CCSER2: variants seen among roughly 807,000 people sequenced by gnomAD.
CCSER2 encodes the protein coiled-coil serine rich protein 2.
In CCSER2, 46 loss-of-function variants were observed where a neutral mutation model predicts 92.3. That is an observed-to-expected ratio of 0.50 (90% CI 0.39 to 0.64). The LOEUF is 0.64. CCSER2 is among the 30% of genes least tolerant of loss of function. CCSER2 has a pLI of 0.00. For synonymous variants in CCSER2, 433 were observed against 431.4 expected (o/e 1.00, Z -0.04); for missense variants, 1,244 against 1,238.9 (o/e 1.00, Z -0.06).
intron 6 of CCSER2, among the ~76,000 whole-genome samples, chr10:84,444,078 C>A (rs900650491): frequency 5.3e-5 from 8 of 151,870 alleles, no homozygotes; most frequent in African/African-American, 1.9e-4. Context: ...CGCTATGGCA[C>A]ATGTATACCA....
intron 6 of CCSER2, chr10:84,452,370 C>G (rs1455574952): frequency 6.6e-6 from 1 of 152,102 alleles, no homozygotes; most frequent in Non-Finnish European, 1.5e-5. Context: ...AGTATTAGAA[C>G]AAAAGTTTGC....
At chr10:84,463,664 G>A (rs1846229686) in intron 6 of CCSER2, among the ~76,000 whole-genome samples, 1 of 152,056 alleles carries the variant, frequency 6.6e-6, no homozygotes, top group African/African-American at 2.4e-5. Context: ...ATGCTTAATG[G>A]TTCTGTATTT....
chr10:84,404,119 A>T (rs1431459047), intron 3 of CCSER2, among the ~76,000 whole-genome samples: 2 of 152,218 alleles, frequency 1.3e-5, no homozygotes, highest in Non-Finnish European at 2.9e-5. Flanking sequence ...CTGTAGCCAG[A>T]TGCCAAAGGG....
At chr10:84,394,327 TA>T (rs1197731237) in intron 3 of CCSER2, among the ~76,000 whole-genome samples, 26 of 151,792 alleles carry the variant, frequency 1.7e-4, no homozygotes, top group African/African-American at 6.1e-4. Flanking sequence ...CACATGATCG[TA>T]GTATGAATTT....
intron 3 of CCSER2, among the ~76,000 whole-genome samples, chr10:84,413,991 A>G (rs970275804): frequency 2.6e-5 from 4 of 151,594 alleles, no homozygotes; most frequent in African/African-American, 7.3e-5. Flanking sequence ...TATGTTTTCC[A>G]TTTGCTTGGT....
At chr10:84,485,989 C>T (rs759573356) in intron 9 of CCSER2, among the ~76,000 whole-genome samples, 78 of 152,162 alleles carry the variant, frequency 5.1e-4, no homozygotes, top group Non-Finnish European at 7.6e-4. Context: ...TGAGAACATG[C>T]GGTGTTTGTT....
chr10:84,427,115 G>A (rs1219847730), intron 5 of CCSER2, among the ~76,000 whole-genome samples: 2 of 152,100 alleles, frequency 1.3e-5, no homozygotes, highest in Non-Finnish European at 2.9e-5. Context: ...GTATTTTAAG[G>A]GACTATGGTG....
chr10:84,507,738 G>A (rs1849140648), intron 9 of CCSER2, among the ~76,000 whole-genome samples: 1 of 152,174 alleles, frequency 6.6e-6, no homozygotes, highest in South Asian at 2.1e-4. Context: ...GATCTTTGAA[G>A]TGTCGTAAAA....
chr10:84,378,226 G>GT (rs1846444255), intron 3 of CCSER2, among the ~76,000 whole-genome samples: 1 of 151,780 alleles, frequency 6.6e-6, no homozygotes, highest in African/African-American at 2.4e-5. Context: ...TGAATATTAA[G>GT]TTTTACCAAA....
At chr10:84,428,936 G>A (rs1843594033) in intron 5 of CCSER2, among the ~76,000 whole-genome samples, 1 of 148,892 alleles carries the variant, frequency 6.7e-6, no homozygotes, top group African/African-American at 2.5e-5. Flanking sequence ...TATGTTGTGT[G>A]ATTCAGTTTG....
intron 1 of CCSER2, among the ~76,000 whole-genome samples, chr10:84,357,144 G>A (rs1359899333): frequency 1.3e-5 from 2 of 152,172 alleles, no homozygotes; most frequent in Non-Finnish European, 2.9e-5. Context: ...AGAAATGAGA[G>A]CCCACATCTG....
At chr10:84,343,990 A>G (rs1589397635) in intron 1 of CCSER2, among the ~76,000 whole-genome samples, 1 of 152,240 alleles carries the variant, frequency 6.6e-6, no homozygotes, top group Admixed American at 6.5e-5. Flanking sequence ...GAAGCTCCTG[A>G]TATCAATGTG....
At chr10:84,483,413 T>G (rs1847573819) in intron 9 of CCSER2, among the ~76,000 whole-genome samples, 1 of 150,660 alleles carries the variant, frequency 6.6e-6, no homozygotes, top group Non-Finnish European at 1.5e-5. Context: ...AAAAAAAGAC[T>G]TAGGTTTTTG....
intron 3 of CCSER2, among the ~76,000 whole-genome samples, chr10:84,381,571 C>T (rs972681842): frequency 2.0e-4 from 31 of 152,168 alleles, no homozygotes; most frequent in African/African-American, 7.5e-4. Context: ...TTGATACATG[C>T]GAGGCAGAGG....
intron 7 of CCSER2, among the ~76,000 whole-genome samples, chr10:84,468,968 A>G (rs1846619378): frequency 6.6e-6 from 1 of 152,172 alleles, no homozygotes; most frequent in South Asian, 2.1e-4. Flanking sequence ...ATAAAACAAT[A>G]CTTTATTCAA....
chr10:84,427,076 CAT>C (rs548913310), intron 5 of CCSER2, among the ~76,000 whole-genome samples: 172 of 152,310 alleles, frequency 1.1e-3, no homozygotes, highest in African/African-American at 3.6e-3. Flanking sequence ...TTTTCCAAAA[CAT>C]ATGATCACAA....
chr10:84,481,796 C>G (rs1340300387), intron 9 of CCSER2, among the ~76,000 whole-genome samples: 3 of 151,872 alleles, frequency 2.0e-5, no homozygotes, highest in Non-Finnish European at 4.4e-5. Flanking sequence ...TATAAACTCC[C>G]CTGAGCCTTG....
chr10:84,393,365 T>C (rs1332780749), intron 3 of CCSER2, among the ~76,000 whole-genome samples: 1 of 152,226 alleles, frequency 6.6e-6, no homozygotes, highest in Non-Finnish European at 1.5e-5. Flanking sequence ...TGTAAAAGGC[T>C]GCGTAAATGT....
chr10:84,369,372 G>A (rs1845947866), intron 1 of CCSER2, among the ~76,000 whole-genome samples: 2 of 151,960 alleles, frequency 1.3e-5, no homozygotes, highest in South Asian at 4.1e-4. Context: ...CTGGGATAAG[G>A]TGATATCTCA....
Sources: allele counts gnomAD v4.1 joint callset (sites outside exome capture counted in the v4.1 genomes callset), GRCh38; gene constraint gnomAD v4.1.1; transcripts MANE v1.5; gene names NCBI Gene and HGNC (gene_info 2026-07-23, HGNC 2026-07-21).